Variants in AKNAD1 observed in about 807,000 individuals in gnomAD.
AKNAD1 encodes the protein AKNA domain containing 1.
In AKNAD1, 67 loss-of-function variants were observed where a neutral mutation model predicts 90.8. That is an observed-to-expected ratio of 0.74 (90% CI 0.61 to 0.90). The LOEUF is 0.90. AKNAD1 is among the 40% of genes least tolerant of loss of function. AKNAD1 has a pLI of 0.00. For synonymous variants in AKNAD1, 327 were observed against 341.4 expected (o/e 0.96, Z 0.46); for missense variants, 957 against 975.4 (o/e 0.98, Z 0.25).
At chr1:108,855,326 T>C (rs1664998874) in intron 1 of AKNAD1, among the ~76,000 whole-genome samples, 1 of 151,974 alleles carries the variant, frequency 6.6e-6, no homozygotes, top group Admixed American at 6.6e-5. Context: ...GGCAGGAGAA[T>C]CACTTGAACC....
chr1:108,850,214 A>C (rs1316791819), intron 2 of AKNAD1, among the ~76,000 whole-genome samples: 1 of 152,220 alleles, frequency 6.6e-6, no homozygotes, highest in Admixed American at 6.5e-5. Context: ...GCTCAGAAAC[A>C]CGCTAGTGCT....
intron 10 of AKNAD1, among the ~76,000 whole-genome samples, chr1:108,828,311 G>A (rs916497086): frequency 6.6e-6 from 1 of 151,646 alleles, no homozygotes; most frequent in Non-Finnish European, 1.5e-5. Flanking sequence ...GCGTCAGAAA[G>A]AAGCAACTGC....
intron 10 of AKNAD1, 145 bp from the exon 11 acceptor site, chr1:108,827,447 C>T: frequency 1.6e-6 from 1 of 618,774 alleles, no homozygotes; most frequent in South Asian, 2.0e-5. Context: ...ACACAGAGCT[C>T]TCCTCTGCCT....
At chr1:108,855,210 G>A (rs893511469) in intron 1 of AKNAD1, among the ~76,000 whole-genome samples, 1 of 150,006 alleles carries the variant, frequency 6.7e-6, no homozygotes, top group Non-Finnish European at 1.5e-5. Flanking sequence ...TCAAGAGATG[G>A]AGGCCATCCT....
In AKNAD1 at chr1:108,820,675, C is replaced by A. The variant is rs1663783696; in HGVS notation, c.2168-49G>T. The A allele has an allele frequency of 2.9e-6, 3 of 1,043,444 alleles. No homozygotes were observed. The South Asian group carries it at 4.0e-5, about 14-fold the overall frequency. The allele number at this position is 1,043,444 out of a possible 1,614,324, so 64.6% of individuals were successfully genotyped here. On this transcript the variant is annotated intron_variant, in intron 13 of 15. Transcript: ENST00000370001. Reference sequence around the variant, plus strand: ...AATTCAGAGTATCAAAAATGAGCCCCAAATGGTGCCTATGTATCATTCCTT... The same window carrying A: ...AATTCAGAGTATCAAAAATGAGCCCAAAATGGTGCCTATGTATCATTCCTT...
intron 14 of AKNAD1, among the ~76,000 whole-genome samples, chr1:108,818,752 CAA>C (rs1407878225): frequency 1.3e-5 from 2 of 151,916 alleles, no homozygotes; most frequent in Non-Finnish European, 2.9e-5. Flanking sequence ...CACCTGAGGT[CAA>C]GAGTTGGAGC....
chr1:108,840,316 A>G (rs1435670582), intron 6 of AKNAD1, among the ~76,000 whole-genome samples: 2 of 152,214 alleles, frequency 1.3e-5, no homozygotes, highest in African/African-American at 2.4e-5. Flanking sequence ...TATGACATCA[A>G]TTAGAGAAAA....
intron 1 of AKNAD1, among the ~76,000 whole-genome samples, chr1:108,853,989 C>T (rs1664950549): frequency 6.6e-6 from 1 of 152,082 alleles, no homozygotes; most frequent in African/African-American, 2.4e-5. Context: ...TTTCAAACAC[C>T]TGGAGGCCAG....
At chr1:108,854,791 G>T (rs992738655) in intron 1 of AKNAD1, among the ~76,000 whole-genome samples, 1 of 152,188 alleles carries the variant, frequency 6.6e-6, no homozygotes, top group African/African-American at 2.4e-5. Context: ...GAAAGTGAAA[G>T]GCACAGTGGG....
At chr1:108,842,989 G>T in intron 6 of AKNAD1, 145 bp downstream of exon 6, 1 of 1,020,542 alleles carries the variant, frequency 9.8e-7, no homozygotes, top group Non-Finnish European at 1.4e-6. Context: ...GTGGTATTAG[G>T]TGACACTTTG....
Position 108,854,871 on chromosome 1 carries a change from C to A in AKNAD1, c.-104+2058G>T, listed in dbSNP as rs74113517. 3.7e-3 allele frequency among the ~76,000 whole-genome samples: 565 copies of A among 152,134 alleles called. 6 individuals carry two copies. Among genetic ancestry groups the A allele is most frequent in the African/African-American group, 0.013 (551 of 41,488 alleles). On this transcript the variant is annotated intron_variant, in intron 1 of 15. Transcript: ENST00000370001. ...TGCTTTCTAGCTGTGTGTCATCTGG[C>A]AAGTTATTTAACTCTTGTGAGTCTC...
rs1024408098 is a variant in AKNAD1, at chr1:108,839,884, G to A, written c.1380-2178C>T. ...AAAAAAATTTTTTTTAATTAGCTGG[G>A]AGTGGTGGCATGCACCTGTAGTCCC... is the stretch of plus-strand genomic sequence containing the variant. On this transcript the variant is annotated intron_variant, in intron 6 of 15. Coordinates refer to ENST00000370001, the MANE Select transcript of AKNAD1 (RefSeq NM_152763.5). Among the ~76,000 whole-genome samples, 3 of 152,084 alleles carry A rather than the reference G, an allele frequency of 2.0e-5. No homozygotes were observed. The East Asian group carries it at 5.8e-4, about 29-fold the overall frequency.
chr1:108,844,289 G>A (rs564249077), intron 5 of AKNAD1, among the ~76,000 whole-genome samples: 2 of 152,218 alleles, frequency 1.3e-5, no homozygotes, highest in African/African-American at 4.8e-5. Flanking sequence ...CTTGAGCCCA[G>A]GAGGCAGAGG....
chr1:108,821,824 C>T (rs188182379), intron 13 of AKNAD1, among the ~76,000 whole-genome samples: 1 of 138,640 alleles, frequency 7.2e-6, no homozygotes, highest in East Asian at 3.3e-4. Flanking sequence ...CACCAAGGCT[C>T]CCTTCTCCCC....
Position 108,849,176 on chromosome 1 carries a change from A to T in AKNAD1, c.1034-116T>A, listed in dbSNP as rs1360260554. On this transcript the variant is annotated intron_variant, in intron 3 of 15. Coordinates refer to ENST00000370001, the MANE Select transcript of AKNAD1 (RefSeq NM_152763.5). ...CACCACTTACTATTTTTAAAATTTA[A>T]TTTTTTTCAAAATATTTATCTAGGC... 4.1e-6 allele frequency: 4 copies of T among 984,644 alleles called. No individual in the cohort carries two copies. In the African/African-American group the frequency reaches 5.1e-5, roughly 12 times the overall value. The allele number at this position is 984,644 out of a possible 1,614,324, so 61.0% of individuals were successfully genotyped here.
intron 5 of AKNAD1, among the ~76,000 whole-genome samples, chr1:108,844,929 C>T (rs1445587887): frequency 2.6e-5 from 4 of 151,856 alleles, no homozygotes; most frequent in Admixed American, 1.3e-4. Flanking sequence ...AGCAATTCTC[C>T]TGCCTCAGCC....
intron 13 of AKNAD1, among the ~76,000 whole-genome samples, chr1:108,821,128 C>T (rs1276733924): frequency 6.6e-6 from 1 of 151,166 alleles, no homozygotes; most frequent in African/African-American, 2.4e-5. Flanking sequence ...ATGAAGTATT[C>T]TGAACTTAGG....
intron 1 of AKNAD1, among the ~76,000 whole-genome samples, chr1:108,855,195 C>T (rs1433321819): frequency 6.6e-6 from 1 of 151,866 alleles, no homozygotes. Flanking sequence ...AGGTGGATCA[C>T]GAGGTCAAGA....
intron 9 of AKNAD1, among the ~76,000 whole-genome samples, chr1:108,831,414 A>G (rs2101179983): frequency 6.6e-6 from 1 of 152,328 alleles, no homozygotes; most frequent in Admixed American, 6.5e-5. Context: ...GATGACCCAT[A>G]TTGCCAAATT....
Sources: allele counts gnomAD v4.1 joint callset (sites outside exome capture counted in the v4.1 genomes callset), GRCh38; gene constraint gnomAD v4.1.1; transcripts MANE v1.5; gene names NCBI Gene and HGNC (gene_info 2026-07-23, HGNC 2026-07-21).